GABRG3: variants seen among roughly 807,000 people sequenced by gnomAD.
GABRG3 encodes gamma-aminobutyric acid receptor subunit gamma-3.
In GABRG3, 25 loss-of-function variants were observed where a neutral mutation model predicts 48.8. That is an observed-to-expected ratio of 0.51 (90% confidence interval 0.37 to 0.72). The LOEUF (loss-of-function observed/expected upper bound fraction) is 0.72, where lower values mean the gene tolerates loss of function less well. Ranked by LOEUF, GABRG3 falls within the 30% of genes least tolerant of loss-of-function variation. The probability of loss-of-function intolerance (pLI) is 0.00; values close to 1 mark genes in which losing one functional copy is unlikely to be tolerated. For synonymous variants in GABRG3, 227 were observed against 217.6 expected, an observed-to-expected ratio of 1.04 and a Z score of -0.38; for missense variants, 394 against 577.9, an observed-to-expected ratio of 0.68 and a Z score of 3.26.
At chr15:27,245,002 G>C (rs896921784) in intron 3 of GABRG3, among the ~76,000 whole-genome samples, 1 of 152,196 alleles carries the variant, frequency 6.6e-6, no homozygotes, top group African/African-American at 2.4e-5. Flanking sequence ...AAGTTTGTGG[G>C]GGTTTCTGCC....
intron 5 of GABRG3, among the ~76,000 whole-genome samples, chr15:27,360,682 C>T (rs895570734): frequency 3.3e-5 from 5 of 152,196 alleles, no homozygotes; most frequent in Non-Finnish European, 7.3e-5. Flanking sequence ...GCTCCTGCTC[C>T]CCTGCAGCCT....
At chr15:27,216,179 C>CTTTGT (rs900807441) in intron 3 of GABRG3, among the ~76,000 whole-genome samples, 6 of 152,208 alleles carry the variant, frequency 3.9e-5, no homozygotes, top group African/African-American at 1.4e-4. Context: ...CCCAGGCTGC[C>CTTTGT]TTTGTGGGCA....
At chr15:27,420,975 G>A (rs1888095454) in intron 5 of GABRG3, among the ~76,000 whole-genome samples, 1 of 152,166 alleles carries the variant, frequency 6.6e-6, no homozygotes, top group Admixed American at 6.5e-5. Flanking sequence ...CTTGTTTTGT[G>A]CCACTCGAAT....
intron 3 of GABRG3, among the ~76,000 whole-genome samples, chr15:27,086,727 T>C (rs1897083278): frequency 6.6e-6 from 1 of 152,228 alleles, no homozygotes; most frequent in Admixed American, 6.5e-5. Context: ...TTTGCCTGGA[T>C]TTGCTGATTT....
At chr15:27,032,187 C>T (rs1896098226) in intron 3 of GABRG3, among the ~76,000 whole-genome samples, 1 of 152,138 alleles carries the variant, frequency 6.6e-6, no homozygotes, top group Non-Finnish European at 1.5e-5. Flanking sequence ...TTCTTGATTT[C>T]AGTTATTATG....
At chr15:27,241,695 T>C (rs1890133024) in intron 3 of GABRG3, among the ~76,000 whole-genome samples, 1 of 152,246 alleles carries the variant, frequency 6.6e-6, no homozygotes, top group Non-Finnish European at 1.5e-5. Flanking sequence ...TTCTAGTGCA[T>C]AGTTAGTAGT....
intron 3 of GABRG3, among the ~76,000 whole-genome samples, chr15:27,315,813 A>T (rs961512433): frequency 8.5e-5 from 13 of 152,344 alleles, no homozygotes; most frequent in African/African-American, 2.9e-4. Flanking sequence ...TGAAGCCTAT[A>T]TGTAGCTTAT....
rs78295383 is a variant in GABRG3, at chr15:27,043,518, A to G, written c.270+16697A>G. Among the ~76,000 whole-genome samples, 1,128 of 152,194 alleles carry G rather than the reference A, an allele frequency of 7.4e-3. 35 individuals carry two copies. In the East Asian group the frequency reaches 0.09, roughly 12 times the overall value. On this transcript the variant is annotated intron_variant, in intron 3 of 9. Transcript: ENST00000615808. ...ATCATAGGAAGTCCCCTCTGTTTTAACCCAAAAAGGAGAGTAACTTTGAGA... is the reference window on the plus strand; with the variant it reads ...ATCATAGGAAGTCCCCTCTGTTTTAGCCCAAAAAGGAGAGTAACTTTGAGA...
chr15:27,271,176 G>A (rs1891072641), intron 3 of GABRG3, among the ~76,000 whole-genome samples: 1 of 152,176 alleles, frequency 6.6e-6, no homozygotes, highest in East Asian at 1.9e-4. Flanking sequence ...AGACAACAAG[G>A]AGTACCCGAG....
intron 6 of GABRG3, among the ~76,000 whole-genome samples, chr15:27,500,202 G>C (rs373302557): frequency 8.1e-4 from 123 of 152,218 alleles, no homozygotes; most frequent in African/African-American, 2.5e-3. Flanking sequence ...GGGAAGACAG[G>C]GGATAGTGAG....
intron 3 of GABRG3, among the ~76,000 whole-genome samples, chr15:27,211,687 C>A (rs1889085434): frequency 6.6e-6 from 1 of 152,154 alleles, no homozygotes; most frequent in Admixed American, 6.5e-5. Context: ...GCATTCTGTG[C>A]AGTGTGATAA....
At chr15:27,341,938 C>T (rs1207318429) in intron 5 of GABRG3, among the ~76,000 whole-genome samples, 2 of 152,226 alleles carry the variant, frequency 1.3e-5, no homozygotes, top group East Asian at 1.9e-4. Context: ...GAAAATGTCA[C>T]TGCTGTTGCA....
At chr15:27,285,254 GGTGTGTGTGTGT>G (rs60880658) in intron 3 of GABRG3, among the ~76,000 whole-genome samples, 9,330 of 142,484 alleles carry the variant, frequency 0.065, 327 homozygotes, top group African/African-American at 0.073. Flanking sequence ...TGAGCTTTCA[GGTGTGTGTGTGT>G]GTGTGTGTGT....
chr15:27,344,789 T>C (rs1201871940), intron 5 of GABRG3, among the ~76,000 whole-genome samples: 1 of 152,112 alleles, frequency 6.6e-6, no homozygotes, highest in Non-Finnish European at 1.5e-5. Flanking sequence ...CTCGGAGGGG[T>C]GTTTAAGTCT....
chr15:27,347,029 TAG>T lies in GABRG3; in HGVS notation c.574+18143_574+18144del, dbSNP rs1894399214. Among the ~76,000 whole-genome samples the T allele has an allele frequency of 4.5e-5, 6 of 133,310 alleles. No homozygotes were observed. In the South Asian group the frequency reaches 1.5e-3, roughly 34 times the overall value. 87.5% of individuals were successfully genotyped at this position (133,310 alleles called of 152,430 possible). On this transcript the variant is annotated intron_variant, in intron 5 of 9. Coordinates refer to ENST00000615808, the MANE Select transcript of GABRG3 (RefSeq NM_033223.5). ...GGCATGCCTTATAGTTTTTTAAAGC[TAG>T]ACACACCGTGAGGTAAATAGTCCAT...
intron 3 of GABRG3, among the ~76,000 whole-genome samples, chr15:27,223,292 C>G (rs1566970627): frequency 6.6e-6 from 1 of 152,174 alleles, no homozygotes; most frequent in Non-Finnish European, 1.5e-5. Flanking sequence ...AGGCCAGGGA[C>G]TCTGTCTAGG....
chr15:27,360,884 G>C (rs1895001271), intron 5 of GABRG3, among the ~76,000 whole-genome samples: 1 of 152,236 alleles, frequency 6.6e-6, no homozygotes, highest in African/African-American at 2.4e-5. Flanking sequence ...GGCCATGAGT[G>C]GGGGACTTGA....
intron 6 of GABRG3, among the ~76,000 whole-genome samples, chr15:27,493,513 A>T (rs1222393886): frequency 6.6e-6 from 1 of 152,198 alleles, no homozygotes; most frequent in Non-Finnish European, 1.5e-5. Context: ...TCTGGATTCT[A>T]TTAGAATAAA....
At chr15:27,265,827 G>C (rs1890900444) in intron 3 of GABRG3, among the ~76,000 whole-genome samples, 1 of 148,542 alleles carries the variant, frequency 6.7e-6, no homozygotes, top group Non-Finnish European at 1.5e-5. Context: ...TCATGCTTTT[G>C]GTGTTTTATC....
Sources: gnomAD v4.1 joint callset for allele counts (sites outside exome capture counted in the v4.1 genomes callset) on GRCh38, gnomAD v4.1.1 for gene constraint, MANE v1.5 for transcripts, NCBI Gene and HGNC (gene_info 2026-07-23, HGNC 2026-07-21) for gene names.